The following RAD51B variants were observed in gnomAD, a reference collection of about 807,000 sequenced individuals.
RAD51B encodes the protein DNA repair protein RAD51 homolog 2.
RAD51B carries 38 observed loss-of-function variants against 42.2 expected under a neutral mutation model. The ratio of observed to expected loss-of-function variants is 0.90; its 90% CI spans 0.70 to 1.18. RAD51B has a LOEUF of 1.18. Among genes scored for constraint, RAD51B ranks in the 50% most tolerant of loss-of-function variants. The pLI, the probability that RAD51B is intolerant of heterozygous loss-of-function variation, is 0.00. For synonymous variants in RAD51B, 154 were observed against 145.2 expected (o/e 1.06, Z -0.43); for missense variants, 373 against 400.7 (o/e 0.93, Z 0.59).
rs988209024 is a variant in RAD51B, at chr14:68,096,029, G to A, written c.757-195855G>A. 9.4e-5 allele frequency among the ~76,000 whole-genome samples: 14 copies of A among 148,788 alleles called. No individual in the cohort carries two copies. The East Asian group carries it at 2.0e-3, about 21-fold the overall frequency. On this transcript the variant is annotated intron_variant, in intron 7 of 10. Coordinates refer to ENST00000471583, the MANE Select transcript of RAD51B (RefSeq NM_133510.4). ...ACTCAGAAAGGTTAAGTGATTTTTC[G>A]AGGGCCATAGAGTAATAAGTAGCAG...
chr14:68,238,243 T>A (rs1170954795), intron 7 of RAD51B, among the ~76,000 whole-genome samples: 1 of 152,172 alleles, frequency 6.6e-6, no homozygotes, highest in Non-Finnish European at 1.5e-5. Flanking sequence ...TCATGGTGAT[T>A]TTGATCAGAA....
At chr14:68,119,462 A>T (rs423106) in intron 7 of RAD51B, among the ~76,000 whole-genome samples, 22 of 44,970 alleles carry the variant, frequency 4.9e-4, no homozygotes, top group African/African-American at 1.0e-3. Flanking sequence ...AAGCTATCCC[A>T]CCCCCCTCCC....
intron 7 of RAD51B, among the ~76,000 whole-genome samples, chr14:68,088,255 C>G (rs900330621): frequency 5.3e-5 from 8 of 151,198 alleles, no homozygotes; most frequent in African/African-American, 1.9e-4. Context: ...TATTGACCTG[C>G]ATGCTATCAT....
At position 67,835,232 on chromosome 14, in the gene RAD51B, C is replaced by T. The variant is rs758161465; in HGVS notation, c.315+36C>T. ...AATTTTTCGTACCTTCTTCCATTGA[C>T]CTATAACCTTCAGAGCTAGGGAAAA... On this transcript the variant is annotated intron_variant, in intron 4 of 10. Coordinates refer to ENST00000471583, the MANE Select transcript of RAD51B (RefSeq NM_133510.4). 5.0e-6 allele frequency: 7 copies of T among 1,411,374 alleles called. No homozygotes were observed. The South Asian group carries it at 7.1e-5, about 14-fold the overall frequency. 87.4% of individuals were successfully genotyped at this position (1,411,374 alleles called of 1,614,324 possible).
intron 7 of RAD51B, among the ~76,000 whole-genome samples, chr14:67,895,059 G>T (rs898699147): frequency 4.6e-5 from 7 of 152,198 alleles, no homozygotes; most frequent in Admixed American, 3.9e-4. Flanking sequence ...ATAGGCATGA[G>T]CCACTGTGCC....
At chr14:68,369,832 T>C (rs1362490447) in intron 8 of RAD51B, among the ~76,000 whole-genome samples, 1 of 152,208 alleles carries the variant, frequency 6.6e-6, no homozygotes, top group African/African-American at 2.4e-5. Flanking sequence ...CTACATACTA[T>C]ATATCTATAT....
chr14:68,626,282 C>T (rs932005211), intron 10 of RAD51B, among the ~76,000 whole-genome samples: 7 of 152,212 alleles, frequency 4.6e-5, no homozygotes, highest in African/African-American at 1.7e-4. Flanking sequence ...GCAAAAAATC[C>T]TGATAAATAA....
chr14:68,299,586 A>G (rs936674101), intron 8 of RAD51B, among the ~76,000 whole-genome samples: 1 of 152,112 alleles, frequency 6.6e-6, no homozygotes, highest in Non-Finnish European at 1.5e-5. Flanking sequence ...TGGTGTCTGC[A>G]GCGGGCCCTG....
chr14:68,667,079 G>A (rs1383706816), intron 11 of RAD51B, among the ~76,000 whole-genome samples: 1 of 152,206 alleles, frequency 6.6e-6, no homozygotes, highest in African/African-American at 2.4e-5. Flanking sequence ...TTCACATTCT[G>A]ACTAATGTAG....
intron 7 of RAD51B, among the ~76,000 whole-genome samples, chr14:67,929,969 T>A (rs1238457732): frequency 6.6e-6 from 1 of 152,096 alleles, no homozygotes; most frequent in Admixed American, 6.6e-5. Flanking sequence ...TTTATTATTA[T>A]TTTTGACTTA....
chr14:68,329,643 T>C (rs922820647), intron 8 of RAD51B, among the ~76,000 whole-genome samples: 28 of 152,330 alleles, frequency 1.8e-4, no homozygotes, highest in Admixed American at 1.7e-3. Flanking sequence ...AAAAAGATCA[T>C]CTTAAATAAT....
At chr14:68,617,548 G>T (rs146979932) in intron 10 of RAD51B, among the ~76,000 whole-genome samples, 509 of 152,172 alleles carry the variant, frequency 3.3e-3, no homozygotes, top group African/African-American at 0.012. Context: ...TTTTTACATG[G>T]TCCCCTCTTT....
intron 7 of RAD51B, among the ~76,000 whole-genome samples, chr14:67,925,337 A>C (rs1490264621): frequency 1.3e-5 from 2 of 150,972 alleles, no homozygotes; most frequent in Non-Finnish European, 3.0e-5. Flanking sequence ...GTGGCGTGTG[A>C]TCTCGGCTCA....
intron 7 of RAD51B, among the ~76,000 whole-genome samples, chr14:68,242,782 A>G (rs2080419543): frequency 6.6e-6 from 1 of 152,236 alleles, no homozygotes; most frequent in African/African-American, 2.4e-5. Context: ...TATTATTATC[A>G]GTATATTATT....
intron 4 of RAD51B, among the ~76,000 whole-genome samples, chr14:67,850,702 C>A (rs1350546225): frequency 6.6e-6 from 1 of 152,134 alleles, no homozygotes; most frequent in East Asian, 1.9e-4. Context: ...GGCTTGTCCA[C>A]AAATACCCCT....
chr14:68,551,735 T>C (rs1888583437), intron 10 of RAD51B, among the ~76,000 whole-genome samples: 1 of 152,230 alleles, frequency 6.6e-6, no homozygotes, highest in African/African-American at 2.4e-5. Flanking sequence ...ATAATAATAA[T>C]AATAGCTCTG....
At chr14:67,987,776 C>G (rs1432348782) in intron 7 of RAD51B, among the ~76,000 whole-genome samples, 1 of 152,170 alleles carries the variant, frequency 6.6e-6, no homozygotes, top group Non-Finnish European at 1.5e-5. Flanking sequence ...TGAAGAGATT[C>G]TTAGGAGTAA....
chr14:68,064,332 A>T lies in RAD51B; in HGVS notation c.756+177128A>T, dbSNP rs547010826. Among the ~76,000 whole-genome samples the T allele has an allele frequency of 5.3e-5, 8 of 152,172 alleles. 1 individual carries two copies. The South Asian group carries it at 1.4e-3, about 28-fold the overall frequency. The stretch of plus-strand genomic sequence containing the variant: ...GGAGTCTCTTCTTAGTCTAATGGGG[A>T]TTCCCTAATATGTGACCTGATGCTT... On this transcript the variant is annotated intron_variant, in intron 7 of 10. Transcript: ENST00000471583.
At chr14:68,208,512 T>A (rs1041394187) in intron 7 of RAD51B, among the ~76,000 whole-genome samples, 4 of 152,240 alleles carry the variant, frequency 2.6e-5, no homozygotes, top group Non-Finnish European at 2.9e-5. Flanking sequence ...CCTTCTGATG[T>A]ATCAACTTGT....
Sources: allele counts gnomAD v4.1 joint callset (sites outside exome capture counted in the v4.1 genomes callset), GRCh38; gene constraint gnomAD v4.1.1; transcripts MANE v1.5; gene names NCBI Gene and HGNC (gene_info 2026-07-23, HGNC 2026-07-21).